The following ROCK2 variants were observed in gnomAD, a reference collection of about 807,000 sequenced individuals.
ROCK2 encodes rho-associated protein kinase 2.
In ROCK2, 61 loss-of-function variants were observed where a neutral mutation model predicts 195.1. The observed-to-expected ratio is 0.31, with a 90% CI of 0.25 to 0.39. The LOEUF (loss-of-function observed/expected upper bound fraction) is 0.39. Among genes scored for constraint, ROCK2 ranks in the 10% least tolerant of loss-of-function variants. The probability of loss-of-function intolerance (pLI) is 1.00; values close to 1 mark genes in which losing one functional copy is unlikely to be tolerated. For synonymous variants in ROCK2, 504 were observed against 545.5 expected (o/e 0.92, Z 1.06); for missense variants, 1,109 against 1,637.4 (o/e 0.68, Z 5.57).
intron 1 of ROCK2, among the ~76,000 whole-genome samples, chr2:11,331,276 G>A (rs1347325377): frequency 6.6e-6 from 1 of 152,142 alleles, no homozygotes; most frequent in African/African-American, 2.4e-5. Context: ...TGATACACCT[G>A]TGAACAAGAA....
Position 11,309,629 on chromosome 2 carries a change from G to T in ROCK2, c.142-21893C>A, listed in dbSNP as rs568128259. On this transcript the variant is annotated intron_variant, in intron 1 of 32. Coordinates refer to ENST00000315872, the MANE Select transcript of ROCK2 (RefSeq NM_004850.5). ...AAATTGTTTTAAAAATCACAAAAATGAGTATATGAAATATAAAAATGTAGT... is the reference window on the plus strand; with the variant it reads ...AAATTGTTTTAAAAATCACAAAAATTAGTATATGAAATATAAAAATGTAGT... Among the ~76,000 whole-genome samples the T allele has an allele frequency of 4.5e-4, 68 of 152,264 alleles. 1 individual carries two copies. The highest frequency in any genetic ancestry group is 1.3e-3 in the African/African-American group (55 of 41,532).
intron 20 of ROCK2, among the ~76,000 whole-genome samples, chr2:11,207,208 G>T (rs1325098258): frequency 6.6e-6 from 1 of 152,146 alleles, no homozygotes; most frequent in East Asian, 1.9e-4. Flanking sequence ...TCCTGCCTCA[G>T]CTCCCCAAGT....
chr2:11,244,953 T>TAATTA (rs903535421), intron 4 of ROCK2, among the ~76,000 whole-genome samples: 3 of 151,962 alleles, frequency 2.0e-5, no homozygotes, highest in African/African-American at 7.2e-5. Context: ...CATGTTTAAA[T>TAATTA]AATTAAATTA....
intron 6 of ROCK2, among the ~76,000 whole-genome samples, chr2:11,226,288 T>G (rs1025761590): frequency 6.6e-6 from 1 of 152,188 alleles, no homozygotes; most frequent in Non-Finnish European, 1.5e-5. Context: ...ATCTATGATG[T>G]AAAGAAAGTT....
chr2:11,192,900 A>C lies in ROCK2; in HGVS notation c.3688-188T>G, dbSNP rs1012401186. Among the ~76,000 whole-genome samples, 4 of 152,330 alleles carry C rather than the reference A, an allele frequency of 2.6e-5. No homozygotes were observed. In the East Asian group the frequency reaches 7.7e-4, roughly 29 times the overall value. ...AAGAGCTTATATAAGAAAAGTCATC[A>C]GACAGTCACTTTGGTTTGCATTTCA... On this transcript the variant is annotated intron_variant, in intron 30 of 32. Transcript: ENST00000315872. This position sits in a 1 kb window ranked among gnomAD's most constrained non-coding sequence, Gnocchi z 5.0.
At chr2:11,271,121 G>A (rs977923778) in intron 3 of ROCK2, among the ~76,000 whole-genome samples, 37 of 152,208 alleles carry the variant, frequency 2.4e-4, no homozygotes, top group African/African-American at 8.7e-4. Context: ...GTGGGCTGGA[G>A]TTGTGTATTA....
At chr2:11,202,742 C>A (rs1572236747) in intron 20 of ROCK2, among the ~76,000 whole-genome samples, 1 of 152,048 alleles carries the variant, frequency 6.6e-6, no homozygotes, top group African/African-American at 2.4e-5. Flanking sequence ...GTGATCTGCC[C>A]ACCTCAGCCT....
chr2:11,221,719 G>A (rs1401309430), intron 8 of ROCK2, among the ~76,000 whole-genome samples: 1 of 152,104 alleles, frequency 6.6e-6, no homozygotes, highest in Admixed American at 6.5e-5. Context: ...TATGCTTACA[G>A]CAATATTTAG....
intron 20 of ROCK2, among the ~76,000 whole-genome samples, chr2:11,202,598 C>T (rs193134449): frequency 0.042 from 6,450 of 152,052 alleles, 275 homozygotes; most frequent in Non-Finnish European, 0.06. Flanking sequence ...CCCGGGTTCA[C>T]GCCATTCGCC....
intron 7 of ROCK2, 47 bp from the exon 8 acceptor site, chr2:11,222,221 A>G: frequency 8.9e-7 from 1 of 1,121,648 alleles, no homozygotes; most frequent in Non-Finnish European, 1.3e-6. Flanking sequence ...TTATAAAATA[A>G]AAAGATTAAC....
intron 3 of ROCK2, among the ~76,000 whole-genome samples, chr2:11,275,167 G>A (rs1666780203): frequency 6.6e-6 from 1 of 151,420 alleles, no homozygotes; most frequent in Non-Finnish European, 1.5e-5. Context: ...TAAGGCAGGA[G>A]AATCGCTTGA....
chr2:11,341,569 C>T (rs1669106800), intron 1 of ROCK2, among the ~76,000 whole-genome samples: 2 of 151,990 alleles, frequency 1.3e-5, no homozygotes, highest in African/African-American at 2.4e-5. Context: ...TTCTGGTGTA[C>T]TTCATCTTCT....
At chr2:11,277,370 G>A (rs999338743) in intron 3 of ROCK2, among the ~76,000 whole-genome samples, 2 of 152,094 alleles carry the variant, frequency 1.3e-5, no homozygotes, top group Non-Finnish European at 2.9e-5. Context: ...GGTACAGGTG[G>A]TGTTTAGTTA....
At chr2:11,312,959 A>C (rs1019892434) in intron 1 of ROCK2, among the ~76,000 whole-genome samples, 2 of 152,104 alleles carry the variant, frequency 1.3e-5, no homozygotes, top group African/African-American at 4.8e-5. Context: ...GTTGGAGGCA[A>C]CAAGAGGAAA....
At chr2:11,295,995 GAGAGA>G (rs1558369715) in intron 1 of ROCK2, among the ~76,000 whole-genome samples, 2 of 36,866 alleles carry the variant, frequency 5.4e-5, no homozygotes, top group Non-Finnish European at 1.2e-4. Context: ...AGAGAGGAGA[GAGAGA>G]GAGAGGAGAG....
rs182132606 is a variant in ROCK2 at position 11,243,663 on chromosome 2, T to C, written c.462+5998A>G. ...CATCCACATCCTACAGTATAATTCA[T>C]GTACTCCTCCAAACTGTCAAGGTCA... On this transcript the variant is annotated intron_variant, in intron 4 of 32. Coordinates refer to ENST00000315872, the MANE Select transcript of ROCK2 (RefSeq NM_004850.5). 2.6e-5 allele frequency among the ~76,000 whole-genome samples: 4 copies of C among 152,230 alleles called. No individual in the cohort carries two copies. The East Asian group carries it at 7.7e-4, about 29-fold the overall frequency.
Position 11,287,633 on chromosome 2 carries a change from T to A in ROCK2, c.223+22A>T, listed in dbSNP as rs774235825. On this transcript the variant is annotated intron_variant, in intron 2 of 32. Coordinates refer to ENST00000315872, the MANE Select transcript of ROCK2 (RefSeq NM_004850.5). ...TCAAAAGTAGAGTTATAAGATCAAA[T>A]ATGAAGTTTAAACATACTTACATCT... 1.2e-5 allele frequency: 9 copies of A among 729,700 alleles called. No homozygotes were observed. In the South Asian group the frequency reaches 2.2e-4, roughly 18 times the overall value. 45.2% of individuals were successfully genotyped at this position (729,700 alleles called of 1,614,324 possible). A position where few individuals can be genotyped will look rare whatever the true frequency, so the allele number is the denominator to read the frequency against.
At chr2:11,200,071 C>G (rs150620023) in intron 23 of ROCK2, among the ~76,000 whole-genome samples, 1 of 152,116 alleles carries the variant, frequency 6.6e-6, no homozygotes, top group Admixed American at 6.5e-5. Flanking sequence ...CTAGGCTTTT[C>G]CTGAACAATA....
chr2:11,260,262 A>G (rs1198891769), intron 3 of ROCK2, among the ~76,000 whole-genome samples: 1 of 151,118 alleles, frequency 6.6e-6, no homozygotes, highest in Non-Finnish European at 1.5e-5. Flanking sequence ...AGTGTGGCCA[A>G]CATGGCGAAA....
Sources: gnomAD v4.1 joint callset for allele counts (sites outside exome capture counted in the v4.1 genomes callset) on GRCh38, gnomAD v4.1.1 for gene constraint, Gnocchi (gnomAD v3.1) non-coding constraint, MANE v1.5 for transcripts, NCBI Gene and HGNC (gene_info 2026-07-23, HGNC 2026-07-21) for gene names.